PPARA: variants seen among roughly 807,000 people sequenced by gnomAD.
The protein encoded by PPARA is peroxisome proliferator-activated receptor alpha.
Under a neutral mutation model 42.2 loss-of-function variants are expected in PPARA, and 22 were observed. The observed-to-expected ratio is 0.52, with a 90% confidence interval of 0.37 to 0.74. The LOEUF (loss-of-function observed/expected upper bound fraction) is 0.74. PPARA is among the 30% of genes least tolerant of loss of function. The probability of loss-of-function intolerance (pLI) is 0.00; values close to 1 mark genes in which losing one functional copy is unlikely to be tolerated. For synonymous variants in PPARA, 242 were observed against 239.3 expected (o/e 1.01, Z -0.10); for missense variants, 465 against 608.2 (o/e 0.76, Z 2.48).
In PPARA at chr22:46,232,078, C is replaced by T. The variant is rs370814026; in HGVS notation, c.998C>T (p.Ala333Val). Reference protein sequence around the residue: ...SVMNKDGMLVAYGNGFITREF... With the variant: ...SVMNKDGMLVVYGNGFITREF... ...ATGAACAAAGACGGGATGCTGGTAG[C>T]GTATGGAAATGGGTTTATAACTCGT... The change falls in exon 8 of 9, where the codon GCG becomes GTG. Residue 333 changes from alanine to valine, a missense_variant. Physicochemically the swap from Ala to Val is moderately conservative, Grantham distance 64. Coordinates refer to ENST00000407236, the MANE Select transcript of PPARA (RefSeq NM_005036.6). This position sits in a 1 kb window ranked among gnomAD's most constrained non-coding sequence, Gnocchi z 5.3. 3.0e-5 allele frequency: 48 copies of T among 1,614,000 alleles called. No homozygotes were observed. The highest frequency in any genetic ancestry group is 2.0e-4 in the East Asian group (9 of 44,892).
chr22:46,229,081 T>C (rs898002631), intron 7 of PPARA, among the ~76,000 whole-genome samples: 1 of 150,382 alleles, frequency 6.6e-6, no homozygotes, highest in Non-Finnish European at 1.5e-5. Flanking sequence ...CACTCCAGCC[T>C]GGGCAACAGA....
chr22:46,186,778 C>G (rs892704707), intron 3 of PPARA, among the ~76,000 whole-genome samples: 8 of 152,008 alleles, frequency 5.3e-5, no homozygotes, highest in Middle Eastern at 6.8e-3. Context: ...AGTGCTCCCC[C>G]CCTTATCCAA....
intron 4 of PPARA, among the ~76,000 whole-genome samples, chr22:46,202,341 A>G (rs1209502754): frequency 6.6e-6 from 1 of 152,220 alleles, no homozygotes; most frequent in African/African-American, 2.4e-5. Flanking sequence ...TGACAGAGGT[A>G]AGGCTTGAGA....
At position 46,205,159 on chromosome 22, in the gene PPARA, C is replaced by T. The variant is rs535167722; in HGVS notation, c.208+6568C>T. Among the ~76,000 whole-genome samples the T allele has an allele frequency of 7.2e-5, 11 of 151,752 alleles. No individual in the cohort carries two copies. In the East Asian group the frequency reaches 1.4e-3, roughly 19 times the overall value. ...GATTACAGGTGTGAGCCATCATGCC[C>T]GACCAGTTCTTAATTTTGATGAAGT... On this transcript the variant is annotated intron_variant, in intron 4 of 8. Transcript: ENST00000407236.
intron 4 of PPARA, among the ~76,000 whole-genome samples, chr22:46,199,222 T>A (rs949318305): frequency 5.9e-5 from 9 of 152,154 alleles, no homozygotes; most frequent in African/African-American, 1.9e-4. Flanking sequence ...TGCAAGGGTC[T>A]GCATAGAGGT....
rs1457944321 is a variant in PPARA, at chr22:46,204,350, GAATA to G, written c.208+5764_208+5767del. ...ACAACCCTCTGCTTTCATTTCTTTT[GAATA>G]AATACCTAGGAGTATGACGGCTGGA... On this transcript the variant is annotated intron_variant, in intron 4 of 8. Coordinates refer to ENST00000407236, the MANE Select transcript of PPARA (RefSeq NM_005036.6). This position sits in a 1 kb window ranked among gnomAD's most constrained non-coding sequence, Gnocchi z 5.2. 6.6e-6 allele frequency among the ~76,000 whole-genome samples: 1 copy of G among 152,180 alleles called. No individual in the cohort carries two copies. The highest frequency in any genetic ancestry group is 2.4e-5 in the African/African-American group (1 of 41,440).
intron 3 of PPARA, 105 bp from the exon 4 acceptor site, chr22:46,198,237 C>CAAAAAAAAAAA (rs398037349): frequency 2.0e-4 from 38 of 190,240 alleles, no homozygotes; most frequent in Admixed American, 3.5e-4. Flanking sequence ...GACTCTGTCT[C>CAAAAAAAAAAA]AAAAAAAAAA....
Position 46,239,055 on chromosome 22 carries a change from G to A in PPARA, c.*3675G>A, listed in dbSNP as rs1936297195. 6.6e-6 allele frequency: 1 copy of A among 152,202 alleles called. No individual in the cohort carries two copies. Among genetic ancestry groups the A allele is most frequent in the South Asian group, 2.1e-4 (1 of 4,830 alleles). The allele number at this position is 152,202 out of a possible 1,614,324, so 9.4% of individuals were successfully genotyped here. On this transcript the variant is annotated 3_prime_UTR_variant, in exon 9 of 9. Transcript: ENST00000407236. ...AACATAATGGACGTGAAGTGGGGCA[G>A]AAACCCAGAACTCAGCATTCAAGGA...
In PPARA at chr22:46,200,918, C is replaced by T. The variant is rs1326050479; in HGVS notation, c.208+2327C>T. On this transcript the variant is annotated intron_variant, in intron 4 of 8. Transcript: ENST00000407236. The surrounding 1 kb of genome is among the most constrained non-coding windows in gnomAD (Gnocchi z 4.8). ...TAGCTTGGGCGACAGGGTGAGACTC[C>T]ATCTCAAAAAAAAGTTGGGGCGTGG... 1.4e-5 allele frequency among the ~76,000 whole-genome samples: 2 copies of T among 146,286 alleles called. No individual in the cohort carries two copies. The highest frequency in any genetic ancestry group is 2.5e-5 in the African/African-American group (1 of 39,424).
intron 2 of PPARA, among the ~76,000 whole-genome samples, chr22:46,153,480 T>C (rs1924795289): frequency 6.6e-6 from 1 of 152,088 alleles, no homozygotes; most frequent in African/African-American, 2.4e-5. Flanking sequence ...TTTTCCGACA[T>C]CTTAAACGTA....
Position 46,193,477 on chromosome 22 carries a change from A to C in PPARA, c.-42-4865A>C, listed in dbSNP as rs1931829679. 6.6e-6 allele frequency among the ~76,000 whole-genome samples: 1 copy of C among 152,232 alleles called. No homozygotes were observed. The highest frequency in any genetic ancestry group is 1.5e-5 in the Non-Finnish European group (1 of 68,048). On this transcript the variant is annotated intron_variant, in intron 3 of 8. Transcript: ENST00000407236. This position sits in a 1 kb window ranked among gnomAD's most constrained non-coding sequence, Gnocchi z 5.3. ...TTGTAACTGAAAGGATCAATGCTTG[A>C]GGGCACAGCTACCCCATTCCCCATG...
At position 46,241,394 on chromosome 22, in the gene PPARA, GA is replaced by G. The variant is rs41489145; in HGVS notation, c.*6019del. ...GTGAAATTGAAGGTTTTGTTAAAAAGAAAAAGATAATGAGCTTCATGCTTTG... is the reference window on the plus strand; with the variant it reads ...GTGAAATTGAAGGTTTTGTTAAAAAGAAAAGATAATGAGCTTCATGCTTTG... On this transcript the variant is annotated 3_prime_UTR_variant, in exon 9 of 9. Transcript: ENST00000407236. This position sits in a 1 kb window ranked among gnomAD's most constrained non-coding sequence, Gnocchi z 5.7. 4.5e-4 allele frequency: 68 copies of G among 152,312 alleles called. No homozygotes were observed. Among genetic ancestry groups the G allele is most frequent in the African/African-American group, 1.5e-3 (64 of 41,580 alleles). 9.4% of individuals were successfully genotyped at this position (152,312 alleles called of 1,614,324 possible).
chr22:46,209,515 T>G (rs1021269793), intron 4 of PPARA, among the ~76,000 whole-genome samples: 1 of 152,232 alleles, frequency 6.6e-6, no homozygotes, highest in Non-Finnish European at 1.5e-5. Context: ...AAGTCTTGTT[T>G]CTGTGTTTCA....
At position 46,221,146 on chromosome 22, in the gene PPARA, G is replaced by A. The variant is rs1934967839; in HGVS notation, c.711+1132G>A. Among the ~76,000 whole-genome samples, 1 of 152,098 alleles carries A rather than the reference G, an allele frequency of 6.6e-6. No homozygotes were observed. Among genetic ancestry groups the A allele is most frequent in the Non-Finnish European group, 1.5e-5 (1 of 68,024 alleles). On this transcript the variant is annotated intron_variant, in intron 7 of 8. Transcript: ENST00000407236. The surrounding 1 kb of genome is among the most constrained non-coding windows in gnomAD (Gnocchi z 5.9). Reference sequence around the variant, plus strand: ...AAGGTGAAGTGGGAGTAGGCGTCTTGCATGGCAGGAGCAAAAACAAGAGAC... The same window carrying A: ...AAGGTGAAGTGGGAGTAGGCGTCTTACATGGCAGGAGCAAAAACAAGAGAC...
At chr22:46,198,212 T>A (rs1932536096) in intron 3 of PPARA, 130 bp from the exon 4 acceptor site, 1 of 237,278 alleles carries the variant, frequency 4.2e-6, no homozygotes, top group African/African-American at 3.0e-5. Context: ...CACTCCAGCC[T>A]GGGCAACAGA....
At chr22:46,189,424 CTTGT>C (rs1298039838) in intron 3 of PPARA, among the ~76,000 whole-genome samples, 2 of 152,136 alleles carry the variant, frequency 1.3e-5, no homozygotes, top group South Asian at 2.1e-4. Context: ...GCTTGTCACT[CTTGT>C]TTATGTGCCA....
intron 2 of PPARA, among the ~76,000 whole-genome samples, chr22:46,170,397 A>T (rs1569192544): frequency 2.3e-5 from 3 of 128,204 alleles, no homozygotes. Flanking sequence ...CACCACACCC[A>T]GCTAATTTTT....
rs747941312 is a variant in PPARA at position 46,160,360 on chromosome 22, G to A, written c.-127+8390G>A. On this transcript the variant is annotated intron_variant, in intron 2 of 8. Transcript: ENST00000407236. This position sits in a 1 kb window ranked among gnomAD's most constrained non-coding sequence, Gnocchi z 4.5. ...CACCCAGGCCGGAGTGCAGTGGTGC[G>A]ATCTCAGCTCACTGCAATCTCTGCC... is the stretch of plus-strand genomic sequence containing the variant. Among the ~76,000 whole-genome samples, 9 of 152,162 alleles carry A rather than the reference G, an allele frequency of 5.9e-5. No individual in the cohort carries two copies. The highest frequency in any genetic ancestry group is 3.2e-3 in the Middle Eastern group (1 of 316).
intron 2 of PPARA, among the ~76,000 whole-genome samples, chr22:46,154,412 C>A (rs135555): frequency 6.6e-6 from 1 of 151,930 alleles, no homozygotes; most frequent in African/African-American, 2.4e-5. Flanking sequence ...GAGCCCAGGG[C>A]TTCAAGACCA....
Sources: gnomAD v4.1 joint callset for allele counts (sites outside exome capture counted in the v4.1 genomes callset) on GRCh38, gnomAD v4.1.1 for gene constraint, Gnocchi (gnomAD v3.1) non-coding constraint, MANE v1.5 for transcripts, NCBI Gene and HGNC (gene_info 2026-07-23, HGNC 2026-07-21) for gene names.